The following DSC3 variants were observed in gnomAD, a reference collection of about 807,000 sequenced individuals.
DSC3 encodes the protein desmocollin 3, also known as desmocollin-3.
DSC3 carries 97 observed loss-of-function variants against 89.5 expected under a neutral mutation model. The ratio of observed to expected loss-of-function variants is 1.08; its 90% confidence interval spans 0.92 to 1.28. The LOEUF is 1.28. Among genes scored for constraint, DSC3 ranks in the 50% most tolerant of loss-of-function variants. The probability of loss-of-function intolerance (pLI) is 0.00; values close to 1 mark genes in which losing one functional copy is unlikely to be tolerated. For missense variants in DSC3, 1,199 were observed against 1,085.3 expected, an observed-to-expected ratio of 1.10 and a Z score of -1.47; for synonymous variants, 436 against 384.1, an observed-to-expected ratio of 1.14 and a Z score of -1.58.
At chr18:31,031,645 C>T (rs907582473) in intron 2 of DSC3, among the ~76,000 whole-genome samples, 7 of 152,100 alleles carry the variant, frequency 4.6e-5, no homozygotes, top group South Asian at 4.1e-4. Flanking sequence ...ATCCAATCTC[C>T]GAAATTTTCT....
In DSC3 at chr18:31,018,244, C is replaced by A. The variant is rs1267463437; in HGVS notation, c.1090G>T (p.Val364Leu). 1.2e-6 allele frequency: 2 copies of A among 1,609,964 alleles called. No homozygotes were observed. The highest frequency in any genetic ancestry group is 1.1e-5 in the South Asian group (1 of 90,440). Reference protein sequence around the residue: ...TFRQNAYEAFVEENAFNVEIL... With the variant: ...TFRQNAYEAFLEENAFNVEIL... The stretch of plus-strand genomic sequence containing the variant: ...TCCACATTGAATGCATTTTCCTCTA[C>A]AAATGCTTCATACTGAAACAGAAAG... Residue 364 changes from valine to leucine, a missense_variant, in exon 9 of 16, where the codon GTA becomes TTA. Transcript: ENST00000360428.
rs1216631379 is a variant in DSC3 at position 31,004,316 on chromosome 18, T to C, written c.1939A>G (p.Thr647Ala). Reference sequence around the variant, plus strand: ...CTGTCTTTTACAGTAATAGGAATGGTATATTCTTGAAATCCAGCATTTTTC... The same window carrying C: ...CTGTCTTTTACAGTAATAGGAATGGCATATTCTTGAAATCCAGCATTTTTC... Reference protein sequence around the residue: ...YQKNAGFQEYTIPITVKDRAG... With the variant: ...YQKNAGFQEYAIPITVKDRAG... Residue 647 changes from threonine to alanine, a missense_variant, in exon 13 of 16, where the codon ACC (threonine) becomes GCC (alanine). By Grantham distance (58) the Thr-to-Ala change is moderately conservative (BLOSUM62 0). Coordinates refer to ENST00000360428, the MANE Select transcript of DSC3 (RefSeq NM_001941.5). The C allele has an allele frequency of 1.9e-6, 3 of 1,613,906 alleles. No individual in the cohort carries two copies. Among genetic ancestry groups the C allele is most frequent in the Non-Finnish European group, 1.7e-6 (2 of 1,179,942 alleles).
At chr18:31,015,350 T>G (rs1044895787) in intron 9 of DSC3, among the ~76,000 whole-genome samples, 1 of 152,290 alleles carries the variant, frequency 6.6e-6, no homozygotes, top group South Asian at 2.1e-4. Flanking sequence ...ATGAGAAATA[T>G]TCTATGATAT....
At chr18:31,030,710 G>A (rs1393478119) in intron 3 of DSC3, among the ~76,000 whole-genome samples, 1 of 151,444 alleles carries the variant, frequency 6.6e-6, no homozygotes, top group African/African-American at 2.4e-5. Context: ...AAGGGAGAGA[G>A]GGAAGGTGAC....
chr18:31,032,546 CTGTGTGTATGTG>C (rs1441586831), intron 1 of DSC3, among the ~76,000 whole-genome samples: 15 of 133,732 alleles, frequency 1.1e-4, no homozygotes, highest in African/African-American at 4.2e-4. Context: ...CTAACTGCTT[CTGTGTGTATGTG>C]TGTGTGTGTG....
At chr18:31,035,778 A>C (rs1985950473) in intron 1 of DSC3, among the ~76,000 whole-genome samples, 1 of 152,096 alleles carries the variant, frequency 6.6e-6, no homozygotes, top group East Asian at 1.9e-4. Flanking sequence ...ACGTAGCTAA[A>C]GTCTTATGCT....
Position 31,004,355 on chromosome 18 carries a change from G to A in DSC3, c.1900C>T (p.Arg634Cys), listed in dbSNP as rs765489929. 4.2e-5 allele frequency: 67 copies of A among 1,613,312 alleles called. No homozygotes were observed. The East Asian group carries it at 1.0e-3, about 25-fold the overall frequency. Residue 634 changes from arginine (R) to cysteine (C), a missense_variant, in exon 13 of 16, where the codon CGT becomes TGT. Physicochemically the swap from Arg to Cys is radical, Grantham distance 180 (BLOSUM62 -3). Coordinates refer to ENST00000360428, the MANE Select transcript of DSC3 (RefSeq NM_001941.5). ...CCAGCATTTTTCTGATATGAAAGAC[G>A]GGCAGCTGTATCTGAAAGAAAATAA... Reference protein sequence around the residue: ...SLTKVNDTAARLSYQKNAGFQ... With the variant: ...SLTKVNDTAACLSYQKNAGFQ...
chr18:31,014,185 A>G (rs1388373790), intron 9 of DSC3, among the ~76,000 whole-genome samples: 1 of 152,094 alleles, frequency 6.6e-6, no homozygotes, highest in Non-Finnish European at 1.5e-5. Flanking sequence ...CTAAACTTCC[A>G]TAGATATGGA....
In DSC3 at chr18:30,991,746, G is replaced by C. The variant is rs1198829453; in HGVS notation, c.*2429C>G. The C allele has an allele frequency of 6.6e-6, 1 of 152,202 alleles. No individual in the cohort carries two copies. The highest frequency in any genetic ancestry group is 2.4e-5 in the African/African-American group (1 of 41,450). The allele number at this position is 152,202 out of a possible 1,614,324, so 9.4% of individuals were successfully genotyped here. A position where few individuals can be genotyped will look rare whatever the true frequency, so the allele number is the denominator to read the frequency against. On this transcript the variant is annotated 3_prime_UTR_variant, in exon 16 of 16. Transcript: ENST00000360428. The stretch of plus-strand genomic sequence containing the variant: ...TTCCATTCTCAGACCAATATTTTGT[G>C]CCCTGAGTTCTTTCTCCCCCTGGCT...
chr18:31,025,565 T>C (rs1985568610), intron 5 of DSC3, among the ~76,000 whole-genome samples, 195 bp downstream of exon 5: 1 of 152,150 alleles, frequency 6.6e-6, no homozygotes. Context: ...CTTTGCTTCA[T>C]TTCAGGCTTA....
intron 9 of DSC3, among the ~76,000 whole-genome samples, chr18:31,016,869 C>T (rs368629124): frequency 3.3e-5 from 5 of 152,146 alleles, no homozygotes; most frequent in African/African-American, 9.7e-5. Flanking sequence ...CTCAATAATG[C>T]AGACTAGATT....
At position 30,990,557 on chromosome 18, in the gene DSC3, G is replaced by C. The variant is rs1327801423; in HGVS notation, c.*3618C>G. The stretch of plus-strand genomic sequence containing the variant: ...GAAATGATCAGTCTTAACGTTTGTA[G>C]GGGAGCACACTCCTGCATGGGGAAA... On this transcript the variant is annotated 3_prime_UTR_variant, in exon 16 of 16. Transcript: ENST00000360428. The C allele has an allele frequency of 6.6e-6, 1 of 152,196 alleles. No homozygotes were observed. Among genetic ancestry groups the C allele is most frequent in the Non-Finnish European group, 1.5e-5 (1 of 68,030 alleles). The allele number at this position is 152,196 out of a possible 1,614,324, so 9.4% of individuals were successfully genotyped here. A position where few individuals can be genotyped will look rare whatever the true frequency, so the allele number is the denominator to read the frequency against.
chr18:31,001,713 C>A lies in DSC3; in HGVS notation c.2140G>T (p.Val714Phe). ...FSVLLTLVCG[V>F]FGATKGKRFP... ...CGTTTCCCTTTAGTTGCACCAAAAACTCCACATACTAAAGTTAGCAATACA... is the reference window on the plus strand; with the variant it reads ...CGTTTCCCTTTAGTTGCACCAAAAAATCCACATACTAAAGTTAGCAATACA... Residue 714 changes from valine to phenylalanine, a missense_variant, in exon 14 of 16, where the codon GTT (valine) becomes TTT (phenylalanine). By Grantham distance (50) the Val-to-Phe change is conservative. Coordinates refer to ENST00000360428, the MANE Select transcript of DSC3 (RefSeq NM_001941.5). 6.2e-7 allele frequency: 1 copy of A among 1,607,894 alleles called. No individual in the cohort carries two copies.
In DSC3 at chr18:30,996,980, T is replaced by C. The variant is rs1010380888; in HGVS notation, c.2304A>G (p.Gly768=). ...CCTGCCCTCCATTTTTCATTCCTGATCCCATAGTACCACAAAAACCTTGGC... is the reference window on the plus strand; with the variant it reads ...CCTGCCCTCCATTTTTCATTCCTGACCCCATAGTACCACAAAAACCTTGGC... ...NSSQGFCGTM[G]SGMKNGGQET... is the part of the protein sequence containing the mutation. Residue 768 remains glycine (G), a synonymous_variant, in exon 15 of 16, where the codon GGA becomes GGG. Coordinates refer to ENST00000360428, the MANE Select transcript of DSC3 (RefSeq NM_001941.5). 2.0e-5 allele frequency: 32 copies of C among 1,614,028 alleles called. 1 individual carries two copies. In the Admixed American group the frequency reaches 4.2e-4, roughly 21 times the overall value.
chr18:31,026,009 G>A, intron 4 of DSC3, 94 bp from the exon 5 acceptor site: 1 of 1,210,448 alleles, frequency 8.3e-7, no homozygotes, highest in Non-Finnish European at 1.2e-6. Context: ...ATTTTAAAGA[G>A]ATAATTTCAA....
intron 1 of DSC3, among the ~76,000 whole-genome samples, chr18:31,037,535 A>T (rs1209782190): frequency 1.3e-5 from 2 of 152,136 alleles, no homozygotes; most frequent in African/African-American, 2.4e-5. Flanking sequence ...ATTAATTATG[A>T]GTCTTTTTCT....
intron 7 of DSC3, among the ~76,000 whole-genome samples, 185 bp from the exon 8 acceptor site, chr18:31,018,985 G>T (rs532322025): frequency 1.3e-5 from 2 of 152,218 alleles, no homozygotes; most frequent in African/African-American, 2.4e-5. Context: ...GAAGAGGCAG[G>T]CAGAGATTAA....
intron 1 of DSC3, among the ~76,000 whole-genome samples, chr18:31,040,758 A>C (rs1223887405): frequency 6.6e-6 from 1 of 152,208 alleles, no homozygotes. Flanking sequence ...AGTCTCTATA[A>C]AATGAAAAAT....
In DSC3 at chr18:30,990,247, G is replaced by A. The variant is rs1166557091; in HGVS notation, c.*3928C>T. 6.6e-6 allele frequency: 1 copy of A among 152,108 alleles called. No homozygotes were observed. Among genetic ancestry groups the A allele is most frequent in the East Asian group, 1.9e-4 (1 of 5,176 alleles). The allele number at this position is 152,108 out of a possible 1,614,324, so 9.4% of individuals were successfully genotyped here. On this transcript the variant is annotated 3_prime_UTR_variant, in exon 16 of 16. Coordinates refer to ENST00000360428, the MANE Select transcript of DSC3 (RefSeq NM_001941.5). ...AGAAAGCTAAGAGAGGAAATAAGTA[G>A]CCTTTCAAAGGTCACACAGAAGTAA... is the stretch of plus-strand genomic sequence containing the variant.
Sources: allele counts gnomAD v4.1 joint callset (sites outside exome capture counted in the v4.1 genomes callset), GRCh38; gene constraint gnomAD v4.1.1; transcripts MANE v1.5; gene names NCBI Gene and HGNC (gene_info 2026-07-23, HGNC 2026-07-21).